KCNMA1: variants seen among roughly 807,000 people sequenced by gnomAD.
KCNMA1 encodes the protein potassium calcium-activated channel subfamily M alpha 1, also known as Calcium-activated potassium channel subunit alpha-1.
In KCNMA1, 29 loss-of-function variants were observed where a neutral mutation model predicts 140.0. The observed-to-expected ratio is 0.21, with a 90% CI of 0.15 to 0.28. The LOEUF (loss-of-function observed/expected upper bound fraction) is 0.28, where lower values mean the gene tolerates loss of function less well. Ranked by LOEUF, KCNMA1 falls within the 10% of genes least tolerant of loss-of-function variation. The pLI is 1.00. For synonymous variants in KCNMA1, 612 were observed against 611.9 expected (o/e 1.00, Z 0.00); for missense variants, 880 against 1,602.2 (o/e 0.55, Z 7.70).
rs543735517 is a variant in KCNMA1, at chr10:77,340,568, T to C, written c.540+63294A>G. Among the ~76,000 whole-genome samples the C allele has an allele frequency of 1.8e-4, 28 of 152,120 alleles. 1 individual carries two copies. In the South Asian group the frequency reaches 5.6e-3, roughly 30 times the overall value. ...TGAGTTCATGTCCTTTGTAGGGACA[T>C]GGATGAAGCTGGAAACCGTCATTCT... On this transcript the variant is annotated intron_variant, in intron 2 of 27. Transcript: ENST00000286628.
rs2072789887 is a variant in KCNMA1 at position 77,573,651 on chromosome 10, TA to T, written c.378+63613del. Among the ~76,000 whole-genome samples the T allele has an allele frequency of 6.2e-5, 3 of 48,252 alleles. No homozygotes were observed. In the Admixed American group the frequency reaches 7.5e-4, roughly 12 times the overall value. 31.7% of individuals were successfully genotyped at this position (48,252 alleles called of 152,430 possible). A position where few individuals can be genotyped will look rare whatever the true frequency, so the allele number is the denominator to read the frequency against. On this transcript the variant is annotated intron_variant, in intron 1 of 27. Coordinates refer to ENST00000286628, the MANE Select transcript of KCNMA1 (RefSeq NM_001161352.2). ...TGGAATGGAATGGAATGGAATAGAA[TA>T]GAATAGAATAGAATAGAATAGAATA...
intron 1 of KCNMA1, among the ~76,000 whole-genome samples, chr10:77,472,502 TAC>T (rs2098187591): frequency 1.3e-5 from 2 of 150,768 alleles, no homozygotes; most frequent in Non-Finnish European, 3.0e-5. Flanking sequence ...CACATACACA[TAC>T]ACACACCACA....
At chr10:76,980,129 T>C (rs1481806376) in intron 19 of KCNMA1, 1 of 152,122 alleles carries the variant, frequency 6.6e-6, no homozygotes, top group Non-Finnish European at 1.5e-5. Flanking sequence ...AGGTGTGGAG[T>C]GCAACAGAAG....
chr10:77,634,731 G>T, intron 1 of KCNMA1: 1 of 806,106 alleles, frequency 1.2e-6, no homozygotes, highest in Non-Finnish European at 1.5e-6. Context: ...TGTGTATCGA[G>T]TCTTGACAAA....
chr10:76,876,879 A>T (rs2032486340), downstream of KCNMA1: 1 of 152,328 alleles, frequency 6.6e-6, no homozygotes, highest in Non-Finnish European at 1.5e-5. Flanking sequence ...GTTTGGAAAT[A>T]TAAAATGAGA....
At chr10:77,312,033 T>G (rs1404834505) in intron 2 of KCNMA1, among the ~76,000 whole-genome samples, 7 of 152,212 alleles carry the variant, frequency 4.6e-5, no homozygotes, top group African/African-American at 1.7e-4. Flanking sequence ...GCAATTCAGA[T>G]GCACACAGCC....
chr10:77,121,847 A>G (rs2153950834), intron 5 of KCNMA1, among the ~76,000 whole-genome samples: 1 of 152,358 alleles, frequency 6.6e-6, no homozygotes, highest in East Asian at 1.9e-4. Flanking sequence ...TGGTCAAAAC[A>G]TTCAGTCAGT....
At chr10:77,240,022 C>T (rs477375) in intron 3 of KCNMA1, among the ~76,000 whole-genome samples, 62,013 of 152,052 alleles carry the variant, frequency 0.41, 14,090 homozygotes, top group East Asian at 0.78. Flanking sequence ...CTAACACTTA[C>T]ACACTTAGTA....
intron 1 of KCNMA1, among the ~76,000 whole-genome samples, chr10:77,411,850 T>C (rs140613063): frequency 1.5e-3 from 233 of 152,320 alleles, no homozygotes; most frequent in African/African-American, 5.0e-3. Context: ...ACATTGGAAA[T>C]GAGCGTGGCC....
At chr10:77,542,471 A>C (rs1159849441) in intron 1 of KCNMA1, among the ~76,000 whole-genome samples, 2 of 152,216 alleles carry the variant, frequency 1.3e-5, no homozygotes, top group African/African-American at 4.8e-5. Context: ...TGGATCCCAG[A>C]CTTGGCTGAT....
chr10:77,636,455 G>GC, intron 1 of KCNMA1: 1 of 1,536,202 alleles, frequency 6.5e-7, no homozygotes, highest in Middle Eastern at 1.7e-4. Context: ...GCGGCCTCAG[G>GC]CGGACTCCCG....
chr10:77,241,986 T>C (rs1332528555), intron 3 of KCNMA1, among the ~76,000 whole-genome samples: 2 of 152,164 alleles, frequency 1.3e-5, no homozygotes, highest in African/African-American at 4.8e-5. Flanking sequence ...AGGCAAATGC[T>C]GGTCTTCAGG....
chr10:77,572,024 T>A (rs1295877338), intron 1 of KCNMA1, among the ~76,000 whole-genome samples: 1 of 152,018 alleles, frequency 6.6e-6, no homozygotes, highest in Non-Finnish European at 1.5e-5. Context: ...CAGTTCCAAT[T>A]GAGGAGCATC....
chr10:77,539,803 G>C (rs2059760731), intron 1 of KCNMA1, among the ~76,000 whole-genome samples: 1 of 152,162 alleles, frequency 6.6e-6, no homozygotes. Flanking sequence ...GCCCAGCTCT[G>C]CTTCGTAATC....
intron 1 of KCNMA1, among the ~76,000 whole-genome samples, chr10:77,426,678 C>G (rs2097003981): frequency 6.6e-6 from 1 of 152,218 alleles, no homozygotes; most frequent in South Asian, 2.1e-4. Context: ...CCTATAACAT[C>G]TCTGAAGCCC....
chr10:76,893,206 G>A (rs1043995646), intron 25 of KCNMA1, among the ~76,000 whole-genome samples: 1 of 152,106 alleles, frequency 6.6e-6, no homozygotes, highest in Non-Finnish European at 1.5e-5. Context: ...ATAGAAGGCT[G>A]TGGGGCTCTA....
rs541347841 is a variant in KCNMA1 at position 77,497,112 on chromosome 10, C to T, written c.379-93089G>A. 1.3e-3 allele frequency among the ~76,000 whole-genome samples: 196 copies of T among 152,336 alleles called. 1 individual carries two copies. The highest frequency in any genetic ancestry group is 4.5e-3 in the African/African-American group (187 of 41,578). ...TAACCATGGGAGTTCAGCACTGATC[C>T]TATTGTGTCCTTCCACTGGCTTTTT... On this transcript the variant is annotated intron_variant, in intron 1 of 27. Transcript: ENST00000286628.
chr10:76,945,791 A>G (rs573818366), intron 22 of KCNMA1, among the ~76,000 whole-genome samples: 1 of 127,832 alleles, frequency 7.8e-6, no homozygotes, highest in Non-Finnish European at 1.6e-5. Flanking sequence ...AAAAAAAAGT[A>G]TAGTTTCATT....
chr10:77,212,741 T>C (rs1171175309), intron 3 of KCNMA1, among the ~76,000 whole-genome samples: 1 of 152,128 alleles, frequency 6.6e-6, no homozygotes, highest in South Asian at 2.1e-4. Flanking sequence ...AGCTGTATGG[T>C]TAAGGAAATG....
Sources: gnomAD v4.1 joint callset for allele counts (sites outside exome capture counted in the v4.1 genomes callset) on GRCh38, gnomAD v4.1.1 for gene constraint, MANE v1.5 for transcripts, NCBI Gene and HGNC (gene_info 2026-07-23, HGNC 2026-07-21) for gene names.